The following ROBO2 variants were observed in gnomAD, a reference collection of about 807,000 sequenced individuals.
ROBO2 encodes the protein roundabout guidance receptor 2, also known as roundabout homolog 2.
Under a neutral mutation model 160.8 loss-of-function variants are expected in ROBO2, and 53 were observed. The observed-to-expected ratio is 0.33, with a 90% CI of 0.26 to 0.41. The LOEUF (loss-of-function observed/expected upper bound fraction) is 0.41. ROBO2 is among the 10% of genes least tolerant of loss of function. The pLI, the probability that ROBO2 is intolerant of heterozygous loss-of-function variation, is 1.00. For missense variants in ROBO2, 1,577 were observed against 1,722.4 expected (o/e 0.92, Z 1.49); for synonymous variants, 664 against 611.7 (o/e 1.09, Z -1.26).
At chr3:76,272,036 C>G (rs181830425) in intron 2 of ROBO2, among the ~76,000 whole-genome samples, 23 of 152,144 alleles carry the variant, frequency 1.5e-4, no homozygotes, top group Admixed American at 1.5e-3. Context: ...ATATGTTTAG[C>G]TTTAGACACA....
intron 2 of ROBO2, among the ~76,000 whole-genome samples, chr3:76,749,087 T>C (rs901989966): frequency 6.6e-6 from 1 of 151,842 alleles, no homozygotes; most frequent in Admixed American, 6.6e-5. Context: ...AGATACAAAA[T>C]GTATAGTATG....
intron 2 of ROBO2, among the ~76,000 whole-genome samples, chr3:77,408,012 TA>T (rs1236855888): frequency 6.6e-6 from 1 of 151,860 alleles, no homozygotes; most frequent in African/African-American, 2.4e-5. Flanking sequence ...CCCAAGAAAA[TA>T]ATATTTCTTA....
intron 2 of ROBO2, among the ~76,000 whole-genome samples, chr3:77,459,766 T>G (rs888682073): frequency 6.6e-6 from 1 of 151,822 alleles, no homozygotes; most frequent in African/African-American, 2.4e-5. Context: ...AACTAAATAA[T>G]GTAGAAACAA....
chr3:76,653,646 G>A (rs951692528), intron 2 of ROBO2, among the ~76,000 whole-genome samples: 37 of 151,642 alleles, frequency 2.4e-4, no homozygotes, highest in African/African-American at 6.8e-4. Context: ...TATAAAAATC[G>A]AGGCGTTCAC....
At chr3:75,985,726 T>A (rs1374475604) in intron 2 of ROBO2, among the ~76,000 whole-genome samples, 3 of 151,550 alleles carry the variant, frequency 2.0e-5, no homozygotes, top group Non-Finnish European at 4.4e-5. Context: ...TCAATATATA[T>A]CTCTAGAAAC....
intron 2 of ROBO2, among the ~76,000 whole-genome samples, chr3:77,107,837 C>T (rs968082452): frequency 1.4e-4 from 21 of 152,052 alleles, no homozygotes; most frequent in Admixed American, 5.9e-4. Flanking sequence ...TTGGAATAAA[C>T]GTTACAGTAT....
chr3:76,872,201 T>G (rs2072177158), intron 2 of ROBO2, among the ~76,000 whole-genome samples: 1 of 152,180 alleles, frequency 6.6e-6, no homozygotes, highest in Admixed American at 6.5e-5. Flanking sequence ...TGTGAATTTC[T>G]TTTTCTGATT....
intron 2 of ROBO2, among the ~76,000 whole-genome samples, chr3:76,183,240 G>C (rs184542968): frequency 6.9e-6 from 1 of 145,900 alleles, no homozygotes; most frequent in Non-Finnish European, 1.5e-5. Context: ...CAGAGGTCCT[G>C]GAGACAGCAA....
chr3:76,700,202 A>G (rs760935130), intron 2 of ROBO2, among the ~76,000 whole-genome samples: 13 of 152,016 alleles, frequency 8.6e-5, no homozygotes, highest in African/African-American at 2.4e-5. Flanking sequence ...TTTTTTGTCC[A>G]TTAAGCAATT....
chr3:77,349,375 C>A (rs895615508), intron 2 of ROBO2, among the ~76,000 whole-genome samples: 8 of 152,202 alleles, frequency 5.3e-5, no homozygotes, highest in African/African-American at 1.7e-4. Flanking sequence ...GGTTTCCATT[C>A]CACTACAATA....
intron 2 of ROBO2, among the ~76,000 whole-genome samples, chr3:75,941,974 T>G (rs1269254675): frequency 2.0e-5 from 3 of 152,160 alleles, no homozygotes; most frequent in African/African-American, 7.2e-5. Context: ...CCTCTCTCTC[T>G]CTCTGTCTTT....
intron 2 of ROBO2, among the ~76,000 whole-genome samples, chr3:76,071,618 C>A (rs1248929328): frequency 1.3e-5 from 2 of 151,966 alleles, no homozygotes; most frequent in Non-Finnish European, 2.9e-5. Flanking sequence ...ACTTTGATTT[C>A]TGTGAGCATT....
intron 2 of ROBO2, among the ~76,000 whole-genome samples, chr3:77,464,464 A>G (rs2324829): frequency 0.69 from 104,337 of 151,966 alleles, 36,296 homozygotes; most frequent in East Asian, 0.82. Context: ...GCCTGAGGAA[A>G]TGTGGGTTGA....
intron 2 of ROBO2, among the ~76,000 whole-genome samples, chr3:77,239,213 A>G (rs1331634307): frequency 1.3e-5 from 2 of 151,938 alleles, no homozygotes; most frequent in Non-Finnish European, 2.9e-5. Context: ...ACGTGTTCGG[A>G]GTTTCTTCCT....
intron 2 of ROBO2, among the ~76,000 whole-genome samples, chr3:77,153,139 A>G (rs781086413): frequency 6.6e-6 from 1 of 152,078 alleles, no homozygotes; most frequent in Non-Finnish European, 1.5e-5. Context: ...TTCTTCTTCC[A>G]GTTTTTGGAA....
chr3:76,300,068 G>T (rs1208702131), intron 2 of ROBO2, among the ~76,000 whole-genome samples: 1 of 152,052 alleles, frequency 6.6e-6, no homozygotes, highest in Non-Finnish European at 1.5e-5. Context: ...TAGGTCAAAA[G>T]TCCAGGTGGG....
chr3:77,248,647 G>A (rs1434624997), intron 2 of ROBO2, among the ~76,000 whole-genome samples: 1 of 152,200 alleles, frequency 6.6e-6, no homozygotes, highest in Non-Finnish European at 1.5e-5. Flanking sequence ...AGGAGTGGAA[G>A]TGAGACCAAC....
At chr3:76,861,338 T>A (rs577318571) in intron 2 of ROBO2, among the ~76,000 whole-genome samples, 3 of 152,210 alleles carry the variant, frequency 2.0e-5, no homozygotes, top group Non-Finnish European at 4.4e-5. Context: ...CTTACTGGGT[T>A]GTTTTGAGGA....
intron 2 of ROBO2, among the ~76,000 whole-genome samples, chr3:76,534,636 T>A (rs558692632): frequency 6.6e-6 from 1 of 152,244 alleles, no homozygotes; most frequent in South Asian, 2.1e-4. Flanking sequence ...GAATGCATTA[T>A]GTTGTGCTGG....
Sources: gnomAD v4.1 joint callset for allele counts (sites outside exome capture counted in the v4.1 genomes callset) on GRCh38, gnomAD v4.1.1 for gene constraint, MANE v1.5 for transcripts, NCBI Gene and HGNC (gene_info 2026-07-23, HGNC 2026-07-21) for gene names.